The following ANK2 variants were observed in gnomAD, a reference collection of about 807,000 sequenced individuals.
ANK2 encodes the protein ankyrin 2.
ANK2 carries 83 observed loss-of-function variants against 360.5 expected under a neutral mutation model. The ratio of observed to expected loss-of-function variants is 0.23; its 90% CI spans 0.19 to 0.28. ANK2 has a LOEUF of 0.28. Ranked by LOEUF, ANK2 falls within the 10% of genes least tolerant of loss-of-function variation. ANK2 has a pLI of 1.00. For synonymous variants in ANK2, 1,740 were observed against 1,759.5 expected, an observed-to-expected ratio of 0.99 and a Z score of 0.28; for missense variants, 4,201 against 4,795.7, an observed-to-expected ratio of 0.88 and a Z score of 3.66.
chr4:113,241,861 A>G (rs2040129994), intron 8 of ANK2, among the ~76,000 whole-genome samples: 1 of 152,198 alleles, frequency 6.6e-6, no homozygotes, highest in Non-Finnish European at 1.5e-5. Flanking sequence ...TAACTTGTAC[A>G]TTCAATACAT....
At chr4:112,910,644 A>G (rs1487962590) in intron 2 of ANK2, among the ~76,000 whole-genome samples, 1 of 152,228 alleles carries the variant, frequency 6.6e-6, no homozygotes, top group Non-Finnish European at 1.5e-5. Context: ...GGAATTGTCC[A>G]GCAAAATGGG....
chr4:113,066,456 T>G (rs909216015), intron 1 of ANK2, among the ~76,000 whole-genome samples: 2 of 152,216 alleles, frequency 1.3e-5, no homozygotes, highest in Non-Finnish European at 2.9e-5. Flanking sequence ...GACATATTCC[T>G]TGGTCTCAAG....
chr4:113,090,886 T>C (rs1244632569), intron 1 of ANK2, among the ~76,000 whole-genome samples: 1 of 152,202 alleles, frequency 6.6e-6, no homozygotes, highest in East Asian at 1.9e-4. Flanking sequence ...TGCCTGGTTG[T>C]CCTAGGCATT....
chr4:112,947,397 A>G (rs906047195), intron 2 of ANK2, among the ~76,000 whole-genome samples: 7 of 152,320 alleles, frequency 4.6e-5, no homozygotes, highest in Admixed American at 4.6e-4. Flanking sequence ...AAGTTTGGAA[A>G]AGCGAAGCAT....
At chr4:113,102,557 A>G (rs747575573) in intron 1 of ANK2, among the ~76,000 whole-genome samples, 7 of 152,150 alleles carry the variant, frequency 4.6e-5, no homozygotes, top group Admixed American at 6.5e-5. Context: ...TTCCGATAGA[A>G]AAGGAGGACA....
chr4:112,935,304 A>G (rs2093637530), intron 2 of ANK2, among the ~76,000 whole-genome samples: 1 of 152,214 alleles, frequency 6.6e-6, no homozygotes, highest in South Asian at 2.1e-4. Flanking sequence ...CTGCTTTGAA[A>G]AGTGGAAGTT....
In ANK2 at chr4:113,219,780, A is replaced by G. The variant is rs12374288; in HGVS notation, c.385-12381A>G. Among the ~76,000 whole-genome samples the G allele has an allele frequency of 5.2e-3, 785 of 152,290 alleles. 4 individuals are homozygous for G. Among genetic ancestry groups the G allele is most frequent in the Non-Finnish European group, 9.5e-3 (646 of 68,010 alleles). ...TACTATTATTTCTGTGACGTGTTTT[A>G]TGATACTCTTCAGATTTCCTGGAAA... On this transcript the variant is annotated intron_variant, in intron 4 of 45. Transcript: ENST00000357077.
chr4:113,133,977 G>A (rs948428843), intron 1 of ANK2, among the ~76,000 whole-genome samples: 5 of 151,904 alleles, frequency 3.3e-5, no homozygotes, highest in African/African-American at 1.2e-4. Context: ...AATAGCAGGG[G>A]GAGTCTCTGA....
chr4:113,163,783 A>G (rs2097650099), intron 1 of ANK2, among the ~76,000 whole-genome samples: 1 of 109,640 alleles, frequency 9.1e-6, no homozygotes, highest in African/African-American at 3.0e-5. Context: ...AAAAAAAAAA[A>G]AAAAAAAAAG....
chr4:113,240,131 A>G (rs948402746), intron 7 of ANK2, among the ~76,000 whole-genome samples: 2 of 152,312 alleles, frequency 1.3e-5, no homozygotes, highest in East Asian at 3.9e-4. Context: ...TGATATGTTA[A>G]TCCTATGGCT....
At chr4:112,833,042 A>G (rs2060143362) in intron 1 of ANK2, among the ~76,000 whole-genome samples, 1 of 152,246 alleles carries the variant, frequency 6.6e-6, no homozygotes, top group Non-Finnish European at 1.5e-5. Context: ...CTGGATGGGA[A>G]GACTAGCTTC....
chr4:112,730,586 G>A, the ANK2 span, among the ~76,000 whole-genome samples: 65 of 129,562 alleles, frequency 5.0e-4, no homozygotes, highest in Non-Finnish European at 8.5e-4. Context: ...GCAGTGAGCC[G>A]AGATCGCACC....
chr4:113,341,822 G>A lies in ANK2; in HGVS notation c.4028G>A (p.Arg1343Lys). ...FAKSHDPIEA[R>K]LRCFCMTDDK... is the part of the protein sequence containing the mutation. The stretch of plus-strand genomic sequence containing the variant: ...AAATCACATGACCCCATTGAAGCCA[G>A]GTTGAGGTGTTTCTGCATGACTGAT... The change falls in exon 33 of 46, where the codon AGG becomes AAG. Residue 1343 changes from arginine to lysine, a missense_variant. Transcript: ENST00000357077. The A allele has an allele frequency of 6.2e-7, 1 of 1,614,124 alleles. No individual in the cohort carries two copies. Among genetic ancestry groups the A allele is most frequent in the East Asian group, 2.2e-5 (1 of 44,866 alleles).
Position 113,360,868 on chromosome 4 carries a change from T to C in ANK2, c.10727T>C (p.Ile3576Thr), listed in dbSNP as rs1325437736. Residue 3576 changes from isoleucine (I) to threonine (T), a missense_variant, in exon 39 of 46, where the codon ATT becomes ACT. Ile to Thr is a moderately conservative substitution (Grantham distance 89). This residue lies in a region of ANK2 where 2,642 missense variants were observed against 2,714.5 expected (regional missense o/e 0.97). Transcript: ENST00000357077. ...CGGATCGAGGAAAGGCTGGCTTATATTGCTGATCACCTTGGCTTCAGCTGG... is the reference window on the plus strand; with the variant it reads ...CGGATCGAGGAAAGGCTGGCTTATACTGCTGATCACCTTGGCTTCAGCTGG... ...QERIEERLAYIADHLGFSWTE... is the reference protein window; with the variant it reads ...QERIEERLAYTADHLGFSWTE... 1.2e-6 allele frequency: 2 copies of C among 1,612,846 alleles called. No individual in the cohort carries two copies. The highest frequency in any genetic ancestry group is 1.7e-6 in the Non-Finnish European group (2 of 1,179,334).
the ANK2 span, among the ~76,000 whole-genome samples, chr4:112,710,745 A>G: frequency 6.6e-6 from 1 of 151,570 alleles, no homozygotes; most frequent in Non-Finnish European, 1.5e-5. Flanking sequence ...TGTGTTCTCT[A>G]AAAGAACATT....
At chr4:112,797,463 C>A in the ANK2 span, 6 of 162,542 alleles carry the variant, frequency 3.7e-5, no homozygotes, top group Non-Finnish European at 2.9e-5. Flanking sequence ...GAGCAGTGTA[C>A]TGAGGATCAT....
intron 1 of ANK2, among the ~76,000 whole-genome samples, chr4:113,153,558 A>G (rs1341498182): frequency 1.3e-5 from 2 of 152,250 alleles, no homozygotes; most frequent in South Asian, 2.1e-4. Context: ...CATCTATAAT[A>G]CATAATCATT....
chr4:112,802,742 G>A, the ANK2 span, among the ~76,000 whole-genome samples: 1 of 152,034 alleles, frequency 6.6e-6, no homozygotes, highest in East Asian at 1.9e-4. Flanking sequence ...TTTTTGAAGA[G>A]CAATATAGAC....
rs80217636 is a variant in ANK2 at position 113,092,857 on chromosome 4, G to A, written c.84+43045G>A. ...CGCTATATAATCTTATTGATTACAT[G>A]ACAAGTGGAATTAGAAATTTCTTTC... On this transcript the variant is annotated intron_variant, in intron 1 of 45. Coordinates refer to ENST00000357077, the MANE Select transcript of ANK2 (RefSeq NM_001148.6). Among the ~76,000 whole-genome samples the A allele has an allele frequency of 8.6e-3, 1,306 of 152,164 alleles. 40 individuals are homozygous for A. The East Asian group carries it at 0.1, about 12-fold the overall frequency.
Sources: gnomAD v4.1 joint callset for allele counts (sites outside exome capture counted in the v4.1 genomes callset) on GRCh38, gnomAD v4.1.1 for gene constraint, gnomAD v4.1.1 regional missense constraint, MANE v1.5 for transcripts, NCBI Gene and HGNC (gene_info 2026-07-23, HGNC 2026-07-21) for gene names.